The following PPIE variants were observed in gnomAD, a reference collection of about 807,000 sequenced individuals.
The protein encoded by PPIE is peptidyl-prolyl cis-trans isomerase E.
A neutral mutation model predicts 38.4 loss-of-function variants in PPIE; 20 were observed. The ratio of observed to expected loss-of-function variants is 0.52; its 90% CI spans 0.37 to 0.76. PPIE has a LOEUF of 0.76. PPIE is among the 30% of genes least tolerant of loss of function. The pLI is 0.00. For missense variants in PPIE, 322 were observed against 385.8 expected (o/e 0.83, Z 1.39); for synonymous variants, 142 against 135.7 (o/e 1.05, Z -0.32).
downstream of PPIE, among the ~76,000 whole-genome samples, chr1:39,756,909 A>G (rs1557462246): frequency 6.6e-6 from 1 of 152,222 alleles, no homozygotes; most frequent in African/African-American, 2.4e-5. Flanking sequence ...GTGCCCATCC[A>G]GGGTTCCTTT....
chr1:39,742,989 C>A, intron 4 of PPIE: 1 of 451,454 alleles, frequency 2.2e-6, no homozygotes, highest in South Asian at 3.8e-5. Context: ...TGTTCTGAAC[C>A]CAGAGTTACT....
Position 39,756,217 on chromosome 1 carries a change from G to A in PPIE, c.*2862G>A. On this transcript the variant is annotated 3_prime_UTR_variant, in exon 10 of 10. Coordinates refer to ENST00000324379, the MANE Select transcript of PPIE (RefSeq NM_006112.4). ...GGGAAGTGGAGCCAGTGGCTCTGTG[G>A]GCGTCCTTTCCTGCAGCCTGGAGAG... is the stretch of plus-strand genomic sequence containing the variant. 1.0e-6 allele frequency: 1 copy of A among 985,442 alleles called. No individual in the cohort carries two copies. The highest frequency in any genetic ancestry group is 1.2e-6 in the Non-Finnish European group (1 of 829,934). The allele number at this position is 985,442 out of a possible 1,614,324, so 61.0% of individuals were successfully genotyped here.
downstream of PPIE, chr1:39,760,086 TAA>T (rs2124406300): frequency 3.0e-6 from 1 of 330,284 alleles, no homozygotes; most frequent in East Asian, 6.7e-5. Flanking sequence ...CCTGAGCCAG[TAA>T]GGGGCATGGA....
At chr1:39,743,362 G>C in intron 5 of PPIE, 65 bp downstream of exon 5, 1 of 1,437,356 alleles carries the variant, frequency 7.0e-7, no homozygotes, top group Non-Finnish European at 9.8e-7. Context: ...TGCATTTTTT[G>C]TCTCTATTTA....
At chr1:39,753,169 G>A in intron 9 of PPIE, 117 bp downstream of exon 9, 1 of 1,587,374 alleles carries the variant, frequency 6.3e-7, no homozygotes, top group Non-Finnish European at 8.6e-7. Context: ...TCCAGCGGGA[G>A]GGGCTGCTGC....
intron 1 of PPIE, 80 bp downstream of exon 1, chr1:39,739,011 G>C: frequency 7.5e-7 from 1 of 1,341,238 alleles, no homozygotes; most frequent in Non-Finnish European, 9.6e-7. Flanking sequence ...ACGCATCTCT[G>C]AACCAGGAGG....
chr1:39,754,322 T>G lies in PPIE; in HGVS notation c.*967T>G, dbSNP rs1648054886. On this transcript the variant is annotated 3_prime_UTR_variant, in exon 10 of 10. Coordinates refer to ENST00000324379, the MANE Select transcript of PPIE (RefSeq NM_006112.4). ...TGTATATATGTAGAAAGAGATTTAT[T>G]TTAAGGAACTGGCTCAAGCAGTGGT... Among the ~76,000 whole-genome samples the G allele has an allele frequency of 6.6e-6, 1 of 152,150 alleles. No homozygotes were observed. Among genetic ancestry groups the G allele is most frequent in the Admixed American group, 6.5e-5 (1 of 15,270 alleles).
downstream of PPIE, chr1:39,758,331 A>C (rs1458579226): frequency 6.6e-6 from 1 of 152,288 alleles, no homozygotes; most frequent in Non-Finnish European, 1.5e-5. Context: ...CCCAGGTTCA[A>C]GCAATTCTGC....
rs529461724 is a variant in PPIE at position 39,740,111 on chromosome 1, C to T, written c.32-54C>T. 1,272 of 1,456,634 alleles carry T rather than the reference C, an allele frequency of 8.7e-4. 8 individuals are homozygous for T. The highest frequency in any genetic ancestry group is 6.6e-3 in the Middle Eastern group (38 of 5,768). The allele number at this position is 1,456,634 out of a possible 1,614,324, so 90.2% of individuals were successfully genotyped here. A position where few individuals can be genotyped will look rare whatever the true frequency, so the allele number is the denominator to read the frequency against. ...TAGCATGCTAACTGGGCTGCAAGGA[C>T]TTCTGCAAGAGTATGGAGATCAGTG... On this transcript the variant is annotated intron_variant, in intron 1 of 9. Coordinates refer to ENST00000324379, the MANE Select transcript of PPIE (RefSeq NM_006112.4).
In PPIE at chr1:39,754,601, C is replaced by T. The variant is rs945415644; in HGVS notation, c.*1246C>T. Among the ~76,000 whole-genome samples the T allele has an allele frequency of 3.3e-5, 5 of 152,072 alleles. No homozygotes were observed. The highest frequency in any genetic ancestry group is 7.4e-5 in the Non-Finnish European group (5 of 68,020). On this transcript the variant is annotated 3_prime_UTR_variant, in exon 10 of 10. Coordinates refer to ENST00000324379, the MANE Select transcript of PPIE (RefSeq NM_006112.4). ...ATAGGCCAGGCATGGTGGCTCATGC[C>T]TATAATTCCACCACTATTGGGAGGC...
rs1179564959 is a variant in PPIE at position 39,740,076 on chromosome 1, G to T, written c.32-89G>T. On this transcript the variant is annotated intron_variant, in intron 1 of 9. Coordinates refer to ENST00000324379, the MANE Select transcript of PPIE (RefSeq NM_006112.4). ...CCAAAGAACTGAATGGAAGGGTCCT[G>T]TCCCCTGGCTAGCATGCTAACTGGG... is the stretch of plus-strand genomic sequence containing the variant. 9.4e-6 allele frequency: 9 copies of T among 955,062 alleles called. 1 individual carries two copies. In the East Asian group the frequency reaches 2.2e-4, roughly 23 times the overall value. 59.2% of individuals were successfully genotyped at this position (955,062 alleles called of 1,614,324 possible).
In PPIE at chr1:39,753,504, G is replaced by A; in HGVS notation, c.*149G>A. 2 of 1,446,348 alleles carry A rather than the reference G, an allele frequency of 1.4e-6. No individual in the cohort carries two copies. The highest frequency in any genetic ancestry group is 4.7e-4 in the Middle Eastern group (2 of 4,236). The allele number at this position is 1,446,348 out of a possible 1,614,324, so 89.6% of individuals were successfully genotyped here. A position where few individuals can be genotyped will look rare whatever the true frequency, so the allele number is the denominator to read the frequency against. ...CCTTCCTCAGGGTCTGCTTGGAGCA[G>A]CTCCTCTGCAGGCACAGCCTGGACT... On this transcript the variant is annotated 3_prime_UTR_variant, in exon 10 of 10. Coordinates refer to ENST00000324379, the MANE Select transcript of PPIE (RefSeq NM_006112.4).
At chr1:39,741,121 T>G (rs932359498) in intron 2 of PPIE, among the ~76,000 whole-genome samples, 1 of 152,244 alleles carries the variant, frequency 6.6e-6, no homozygotes, top group Non-Finnish European at 1.5e-5. Context: ...CGTAGAATAA[T>G]TGAATACTTA....
chr1:39,760,569 C>T, downstream of PPIE: 1 of 1,613,432 alleles, frequency 6.2e-7, no homozygotes, highest in Non-Finnish European at 8.5e-7. Flanking sequence ...TCAGGTGCAC[C>T]TGGCCAGGAA....
At chr1:39,762,784 C>G (rs1043977100) in intron 9 of PPIE, 7 of 1,305,152 alleles carry the variant, frequency 5.4e-6, no homozygotes, top group Non-Finnish European at 7.2e-6. Flanking sequence ...GTTTCATGTG[C>G]TGTGCCTCTG....
At chr1:39,762,898 C>CTA (rs1296743606) in intron 9 of PPIE, among the ~76,000 whole-genome samples, 1 of 152,232 alleles carries the variant, frequency 6.6e-6, no homozygotes, top group Non-Finnish European at 1.5e-5. Context: ...GGGTGCGAGT[C>CTA]TACGTGTAGT....
chr1:39,745,559 C>A, intron 7 of PPIE, 61 bp downstream of exon 7: 2 of 1,608,890 alleles, frequency 1.2e-6, no homozygotes, highest in South Asian at 1.1e-5. Context: ...GAGCCTTTCC[C>A]AGGTTCTTAC....
At chr1:39,745,233 A>C in intron 6 of PPIE, 142 bp from the exon 7 acceptor site, 1 of 1,139,740 alleles carries the variant, frequency 8.8e-7, no homozygotes, top group Non-Finnish European at 1.3e-6. Context: ...CTGCAGCCCT[A>C]TCAGGGCCCA....
rs1073885 is a variant in PPIE at position 39,754,821 on chromosome 1, G to T, written c.*1466G>T. ...TGCAGTCAGCCATGGTCATGCCACT[G>T]TACTCCAGCCTGGGTGACAAGAGGG... On this transcript the variant is annotated 3_prime_UTR_variant, in exon 10 of 10. Transcript: ENST00000324379. Among the ~76,000 whole-genome samples the T allele has an allele frequency of 0.033, 4,957 of 152,228 alleles. 107 individuals are homozygous for T. Among genetic ancestry groups the T allele is most frequent in the East Asian group, 0.09 (468 of 5,180 alleles).
Sources: gnomAD v4.1 joint callset for allele counts (sites outside exome capture counted in the v4.1 genomes callset) on GRCh38, gnomAD v4.1.1 for gene constraint, MANE v1.5 for transcripts, NCBI Gene and HGNC (gene_info 2026-07-23, HGNC 2026-07-21) for gene names.